Variants in FAM181A observed in about 807,000 individuals in gnomAD.
FAM181A encodes the protein family with sequence similarity 181 member A, also known as protein FAM181A.
FAM181A carries 7 observed loss-of-function variants against 16.3 expected under a neutral mutation model. The ratio of observed to expected loss-of-function variants is 0.43; its 90% CI spans 0.24 to 0.81. The LOEUF (loss-of-function observed/expected upper bound fraction) is 0.81, where lower values mean the gene tolerates loss of function less well. Ranked by LOEUF, FAM181A falls within the 30% of genes least tolerant of loss-of-function variation. The pLI, the probability that FAM181A is intolerant of heterozygous loss-of-function variation, is 0.24. For synonymous variants in FAM181A, 183 were observed against 164.9 expected (o/e 1.11, Z -0.84); for missense variants, 349 against 377.5 (o/e 0.92, Z 0.63).
intron 1 of FAM181A, among the ~76,000 whole-genome samples, chr14:93,921,657 C>G (rs1286683046): frequency 6.6e-6 from 1 of 152,248 alleles, no homozygotes; most frequent in African/African-American, 2.4e-5. Flanking sequence ...CTGTCCTCCG[C>G]GTGGCCTTTG....
intron 1 of FAM181A, among the ~76,000 whole-genome samples, chr14:93,921,060 G>T (rs1028633867): frequency 6.6e-6 from 1 of 152,160 alleles, no homozygotes; most frequent in East Asian, 1.9e-4. Context: ...CTTGTGGCAC[G>T]CTATCATATA....
At chr14:93,927,519 T>C (rs1311330652) in intron 1 of FAM181A, 65 bp downstream of exon 1, 15 of 1,153,700 alleles carry the variant, frequency 1.3e-5, no homozygotes, top group Middle Eastern at 3.6e-4. Flanking sequence ...GGCTGGGGCC[T>C]GGGGGAGGGG....
At chr14:93,925,181 G>A (rs1010168182), upstream of FAM181A, 10 of 1,156,526 alleles carry the variant, frequency 8.6e-6, no homozygotes, top group South Asian at 2.7e-5. Context: ...AGCTTCATGA[G>A]CGGGCAGTGC....
Position 93,927,389 on chromosome 14 carries a change from G to A in FAM181A, c.-153G>A. 1 of 1,147,228 alleles carries A rather than the reference G, an allele frequency of 8.7e-7. No individual in the cohort carries two copies. The highest frequency in any genetic ancestry group is 1.1e-6 in the Non-Finnish European group (1 of 919,704). 71.1% of individuals were successfully genotyped at this position (1,147,228 alleles called of 1,614,324 possible). A position where few individuals can be genotyped will look rare whatever the true frequency, so the allele number is the denominator to read the frequency against. ...ACGGAGCTCGGCCGGCTGCGCCGGG[G>A]CCTGTCCCAGGTCTGCAGTGGGGAA... On this transcript the variant is annotated 5_prime_UTR_variant, in exon 1 of 2. Coordinates refer to ENST00000556222, the MANE Select transcript of FAM181A (RefSeq NM_001207073.2).
rs760409781 is a variant in FAM181A at position 93,928,860 on chromosome 14, C to A, written c.575C>A (p.Ala192Asp). The A allele has an allele frequency of 6.2e-7, 1 of 1,614,086 alleles. No homozygotes were observed. Among genetic ancestry groups the A allele is most frequent in the Non-Finnish European group, 8.5e-7 (1 of 1,179,982 alleles). ...GTGTCCATGTCTCCAAGGGCCCTGGCTGAAAAGGAGCCGCTCAAGATGCCT... is the reference window on the plus strand; with the variant it reads ...GTGTCCATGTCTCCAAGGGCCCTGGATGAAAAGGAGCCGCTCAAGATGCCT... ...TLVSMSPRAL[A>D]EKEPLKMPGV... The change falls in exon 2 of 2, where the codon GCT becomes GAT. Residue 192 changes from alanine (A) to aspartate (D), a missense_variant. Physicochemically the swap from Ala to Asp is moderately radical, Grantham distance 126 (BLOSUM62 -2). Coordinates refer to ENST00000556222, the MANE Select transcript of FAM181A (RefSeq NM_001207073.2).
rs1888004917 is a variant in FAM181A at position 93,928,396 on chromosome 14, T to C, written c.111T>C (p.His37=). Reference sequence around the variant, plus strand: ...CACCCTGCCGCCGCTCCGTGGACCATCGCAAGTACCTGCAGAAGCAGCTCA... The same window carrying C: ...CACCCTGCCGCCGCTCCGTGGACCACCGCAAGTACCTGCAGAAGCAGCTCA... ...KSAPCRRSVD[H]RKYLQKQLKR... Residue 37 remains histidine, a synonymous_variant, in exon 2 of 2, where the codon CAT becomes CAC. Coordinates refer to ENST00000556222, the MANE Select transcript of FAM181A (RefSeq NM_001207073.2). 1 of 1,613,896 alleles carries C rather than the reference T, an allele frequency of 6.2e-7. No individual in the cohort carries two copies. The highest frequency in any genetic ancestry group is 8.5e-7 in the Non-Finnish European group (1 of 1,179,996).
intron 1 of FAM181A, 121 bp from the exon 2 acceptor site, chr14:93,928,078 C>T (rs989269878): frequency 2.7e-6 from 4 of 1,463,460 alleles, no homozygotes; most frequent in Middle Eastern, 2.5e-4. Context: ...CTACCCAGGA[C>T]TCTGTTTAGG....
upstream of FAM181A, among the ~76,000 whole-genome samples, chr14:93,925,801 C>T (rs1035038284): frequency 6.6e-6 from 1 of 152,052 alleles, no homozygotes; most frequent in Non-Finnish European, 1.5e-5. Context: ...AATTGAGTCA[C>T]AGCTTGTCAG....
At chr14:93,919,887 A>T (rs1887660254) in intron 1 of FAM181A, among the ~76,000 whole-genome samples, 1 of 152,180 alleles carries the variant, frequency 6.6e-6, no homozygotes, top group African/African-American at 2.4e-5. Context: ...AAAGATCTCA[A>T]TCAATGATCA....
At chr14:93,919,256 AC>A (rs1887637333) in intron 1 of FAM181A, among the ~76,000 whole-genome samples, 3 of 152,102 alleles carry the variant, frequency 2.0e-5, no homozygotes. Context: ...CTCATTATCA[AC>A]CCTGCCAGGG....
chr14:93,920,110 TATG>T (rs765621028), intron 1 of FAM181A, among the ~76,000 whole-genome samples: 14 of 152,110 alleles, frequency 9.2e-5, no homozygotes, highest in Non-Finnish European at 1.6e-4. Flanking sequence ...AGACATAGAT[TATG>T]ATATTAGAAG....
At chr14:93,927,636 G>T in intron 1 of FAM181A, 182 bp downstream of exon 1, 1 of 1,284,460 alleles carries the variant, frequency 7.8e-7, no homozygotes, top group Middle Eastern at 2.6e-4. Context: ...GGCAGGTCTC[G>T]ATTAAGTGCC....
At chr14:93,921,729 A>G (rs954220274) in intron 1 of FAM181A, among the ~76,000 whole-genome samples, 2 of 151,678 alleles carry the variant, frequency 1.3e-5, no homozygotes, top group African/African-American at 4.8e-5. Flanking sequence ...GGTGGCTGGG[A>G]AGAGTCTGTA....
rs139972787 is a variant in FAM181A, at chr14:93,928,446, G to T, written c.161G>T (p.Arg54Leu). 6.8e-5 allele frequency: 109 copies of T among 1,612,218 alleles called. 1 individual carries two copies. The East Asian group carries it at 2.4e-3, about 36-fold the overall frequency. The change falls in exon 2 of 2, where the codon CGG becomes CTG. Residue 54 changes from arginine (R) to leucine (L), a missense_variant. By Grantham distance (102) the Arg-to-Leu change is moderately radical. Transcript: ENST00000556222. ...AAGCGCTTCTCCCAGAAGTATTCCC[G>T]GCTCCCGCGGGGCCTTCCTGGCAGA... Reference protein sequence around the residue: ...QLKRFSQKYSRLPRGLPGRAA... With the variant: ...QLKRFSQKYSLLPRGLPGRAA...
In FAM181A at chr14:93,929,257, T is replaced by G; in HGVS notation, c.*93T>G. On this transcript the variant is annotated 3_prime_UTR_variant, in exon 2 of 2. Coordinates refer to ENST00000556222, the MANE Select transcript of FAM181A (RefSeq NM_001207073.2). ...CTGTGAGGAGGTGGCTGGGCCACAG[T>G]GTGGCCTCTTCCGTTTGTGTGCGCA... is the stretch of plus-strand genomic sequence containing the variant. 6.9e-7 allele frequency: 1 copy of G among 1,454,932 alleles called. No homozygotes were observed. 90.1% of individuals were successfully genotyped at this position (1,454,932 alleles called of 1,614,324 possible).
upstream of FAM181A, chr14:93,925,234 A>C: frequency 6.2e-7 from 1 of 1,601,584 alleles, no homozygotes; most frequent in Admixed American, 1.7e-5. Context: ...GATCTCAAGG[A>C]AGCTGGGAGC....
chr14:93,925,197 G>A (rs1248056941), upstream of FAM181A: 9 of 1,390,218 alleles, frequency 6.5e-6, no homozygotes, highest in South Asian at 7.1e-5. Flanking sequence ...AGTGCAGAAT[G>A]GGCCAGCAGG....
At chr14:93,925,948 G>A (rs551599683), upstream of FAM181A, among the ~76,000 whole-genome samples, 38 of 152,108 alleles carry the variant, frequency 2.5e-4, no homozygotes, top group African/African-American at 8.0e-4. Flanking sequence ...ACTTCTGGAT[G>A]GAGGCCCTGG....
In FAM181A at chr14:93,928,213, C is replaced by A. The variant is rs780507133; in HGVS notation, c.-73C>A. On this transcript the variant is annotated 5_prime_UTR_variant, in exon 2 of 2. Coordinates refer to ENST00000556222, the MANE Select transcript of FAM181A (RefSeq NM_001207073.2). ...TTGTCCCCCAGGTCAGCTCGGTGCC[C>A]TTCCTTGGAGCTGCCGGCCACCAGC... 1 of 1,613,204 alleles carries A rather than the reference C, an allele frequency of 6.2e-7. No individual in the cohort carries two copies. Among genetic ancestry groups the A allele is most frequent in the Non-Finnish European group, 8.5e-7 (1 of 1,179,752 alleles).
Sources: gnomAD v4.1 joint callset for allele counts (sites outside exome capture counted in the v4.1 genomes callset) on GRCh38, gnomAD v4.1.1 for gene constraint, MANE v1.5 for transcripts, NCBI Gene and HGNC (gene_info 2026-07-23, HGNC 2026-07-21) for gene names.